PCCA: variants seen among roughly 807,000 people sequenced by gnomAD.
PCCA encodes propionyl-CoA carboxylase subunit alpha, also known as propionyl-CoA carboxylase alpha chain, mitochondrial.
Under a neutral mutation model 101.3 loss-of-function variants are expected in PCCA, and 74 were observed. The observed-to-expected ratio is 0.73, with a 90% CI of 0.61 to 0.89. The LOEUF (loss-of-function observed/expected upper bound fraction) is 0.89, where lower values mean the gene tolerates loss of function less well. PCCA is among the 40% of genes least tolerant of loss of function. The pLI, the probability that PCCA is intolerant of heterozygous loss-of-function variation, is 0.00. For missense variants in PCCA, 891 were observed against 907.0 expected, an observed-to-expected ratio of 0.98 and a Z score of 0.23; for synonymous variants, 294 against 313.6, an observed-to-expected ratio of 0.94 and a Z score of 0.66.
At chr13:100,440,202 A>ATG (rs2080261640) in intron 20 of PCCA, among the ~76,000 whole-genome samples, 1 of 106,542 alleles carries the variant, frequency 9.4e-6, no homozygotes, top group East Asian at 2.9e-4. Flanking sequence ...ATATATATAT[A>ATG]TATATATAAA....
chr13:100,157,888 A>T (rs1443125142), intron 6 of PCCA, among the ~76,000 whole-genome samples: 1 of 152,196 alleles, frequency 6.6e-6, no homozygotes, highest in Non-Finnish European at 1.5e-5. Context: ...GTTTGTACAT[A>T]TGTTTGTTAT....
At chr13:100,219,554 A>G (rs1369119790) in intron 7 of PCCA, among the ~76,000 whole-genome samples, 1 of 152,184 alleles carries the variant, frequency 6.6e-6, no homozygotes. Context: ...TGTGACGGGT[A>G]TTATCCATAT....
At chr13:100,111,523 G>A (rs561750337) in intron 2 of PCCA, among the ~76,000 whole-genome samples, 1 of 152,274 alleles carries the variant, frequency 6.6e-6, no homozygotes, top group South Asian at 2.1e-4. Flanking sequence ...TACAGAATAT[G>A]TAGATACCCC....
intron 16 of PCCA, among the ~76,000 whole-genome samples, chr13:100,322,802 C>G (rs895152442): frequency 1.3e-5 from 2 of 152,124 alleles, no homozygotes; most frequent in Non-Finnish European, 2.9e-5. Flanking sequence ...TCTTGAACTC[C>G]TGGTCTCAAG....
At chr13:100,259,130 A>G (rs1239975489) in intron 9 of PCCA, among the ~76,000 whole-genome samples, 2 of 152,090 alleles carry the variant, frequency 1.3e-5, no homozygotes, top group African/African-American at 4.8e-5. Flanking sequence ...CGAGGAAGTA[A>G]TTGGTTTTTA....
At chr13:100,104,205 T>C (rs1208215544) in intron 2 of PCCA, among the ~76,000 whole-genome samples, 1 of 152,228 alleles carries the variant, frequency 6.6e-6, no homozygotes, top group African/African-American at 2.4e-5. Flanking sequence ...AGGTATCTTC[T>C]GAATCATGTG....
intron 18 of PCCA, among the ~76,000 whole-genome samples, chr13:100,354,313 G>A (rs1356804265): frequency 1.9e-5 from 2 of 102,782 alleles, no homozygotes; most frequent in Non-Finnish European, 3.9e-5. Flanking sequence ...GAGAAAGAAA[G>A]GGAGAAAGAA....
At chr13:100,445,713 C>A (rs528992256) in intron 20 of PCCA, among the ~76,000 whole-genome samples, 1 of 152,044 alleles carries the variant, frequency 6.6e-6, no homozygotes, top group East Asian at 1.9e-4. Context: ...TAATGTCTTC[C>A]GGGTTCATCC....
chr13:100,299,173 T>G lies in PCCA; in HGVS notation c.1066-2287T>G, dbSNP rs1018139025. The stretch of plus-strand genomic sequence containing the variant: ...CTGCTTAGTTGCTTCTAATTTGAAT[T>G]ACTTGTAGCTCCCTAATTTAGATTG... On this transcript the variant is annotated intron_variant, in intron 12 of 23. Coordinates refer to ENST00000376285, the MANE Select transcript of PCCA (RefSeq NM_000282.4). Among the ~76,000 whole-genome samples, 3 of 152,324 alleles carry G rather than the reference T, an allele frequency of 2.0e-5. No individual in the cohort carries two copies. The South Asian group carries it at 6.2e-4, about 32-fold the overall frequency.
At chr13:100,155,242 G>A (rs1227013986) in intron 5 of PCCA, 150 bp downstream of exon 5, 3 of 662,398 alleles carry the variant, frequency 4.5e-6, no homozygotes, top group South Asian at 1.7e-5. Flanking sequence ...GGTCGAATTC[G>A]CTACTGGAAA....
At chr13:100,338,310 C>G (rs1170830237) in intron 17 of PCCA, among the ~76,000 whole-genome samples, 1 of 152,122 alleles carries the variant, frequency 6.6e-6, no homozygotes, top group Non-Finnish European at 1.5e-5. Flanking sequence ...TTTATTCATT[C>G]ATTCTGAAAG....
At chr13:100,232,744 T>C (rs943412847) in intron 7 of PCCA, among the ~76,000 whole-genome samples, 2 of 152,164 alleles carry the variant, frequency 1.3e-5, no homozygotes, top group South Asian at 2.1e-4. Flanking sequence ...CTGAGCAGCC[T>C]GTCTGAAACA....
chr13:100,102,807 T>A, intron 1 of PCCA, 76 bp from the exon 2 acceptor site: 1 of 953,748 alleles, frequency 1.0e-6, no homozygotes, highest in Non-Finnish European at 1.7e-6. Context: ...AGAACCTAAC[T>A]GGAAGAAATA....
chr13:100,150,532 G>T, intron 4 of PCCA: 1 of 1,334,598 alleles, frequency 7.5e-7, no homozygotes, highest in South Asian at 1.3e-5. Context: ...AAGCTCCCCG[G>T]CGAGAACCAC....
intron 22 of PCCA, among the ~76,000 whole-genome samples, chr13:100,525,130 A>T (rs2087679298): frequency 6.6e-6 from 1 of 152,168 alleles, no homozygotes; most frequent in Non-Finnish European, 1.5e-5. Flanking sequence ...TGAAAGGCGG[A>T]TGGAGCAGGG....
At chr13:100,221,771 A>G (rs1186607061) in intron 7 of PCCA, among the ~76,000 whole-genome samples, 2 of 111,368 alleles carry the variant, frequency 1.8e-5, no homozygotes, top group African/African-American at 4.4e-5. Context: ...TTTTTTTGAG[A>G]CGGAGTCTCA....
intron 23 of PCCA, 111 bp from the exon 24 acceptor site, chr13:100,529,987 G>GTCC (rs2088273584): frequency 1.2e-6 from 1 of 841,792 alleles, no homozygotes; most frequent in East Asian, 2.6e-5. Context: ...TCCCTGTGCT[G>GTCC]CTGAGCTTGC....
chr13:100,335,350 G>A (rs2070282593), intron 17 of PCCA, among the ~76,000 whole-genome samples: 1 of 152,070 alleles, frequency 6.6e-6, no homozygotes, highest in African/African-American at 2.4e-5. Context: ...AAGAAGAAAG[G>A]AAATAGCATT....
intron 19 of PCCA, among the ~76,000 whole-genome samples, chr13:100,392,696 G>A (rs1320460634): frequency 6.6e-6 from 1 of 152,234 alleles, no homozygotes; most frequent in Non-Finnish European, 1.5e-5. Flanking sequence ...CCTTGGGGCA[G>A]AGGAGGTAGC....
Sources: allele counts gnomAD v4.1 joint callset (sites outside exome capture counted in the v4.1 genomes callset), GRCh38; gene constraint gnomAD v4.1.1; transcripts MANE v1.5; gene names NCBI Gene and HGNC (gene_info 2026-07-23, HGNC 2026-07-21).